SF1: variants seen among roughly 807,000 people sequenced by gnomAD.
SF1 encodes branch point-binding protein.
Under a neutral mutation model 62.5 loss-of-function variants are expected in SF1, and 7 were observed. The observed-to-expected ratio is 0.11, with a 90% CI of 0.06 to 0.21. The LOEUF is 0.21. Ranked by LOEUF, SF1 falls within the 10% of genes least tolerant of loss-of-function variation. The probability of loss-of-function intolerance (pLI) is 1.00; values close to 1 mark genes in which losing one functional copy is unlikely to be tolerated. For synonymous variants in SF1, 394 were observed against 323.6 expected (o/e 1.22, Z -2.33); for missense variants, 578 against 884.0 (o/e 0.65, Z 4.39).
rs368385290 is a variant in SF1, at chr11:64,769,417, A to T, written c.663+9T>A. ...GCTAGGAGGCTTCCTTTCTGGGCTCACCGCTCACCTGTTCCACTGCCTTTT... is the reference window on the plus strand; with the variant it reads ...GCTAGGAGGCTTCCTTTCTGGGCTCTCCGCTCACCTGTTCCACTGCCTTTT... On this transcript the variant is annotated intron_variant, in intron 6 of 12. Coordinates refer to ENST00000377390, the MANE Select transcript of SF1 (RefSeq NM_004630.4). The T allele has an allele frequency of 3.1e-6, 5 of 1,613,822 alleles. No homozygotes were observed. The highest frequency in any genetic ancestry group is 4.2e-6 in the Non-Finnish European group (5 of 1,179,862).
chr11:64,768,998 A>T (rs767686272), intron 8 of SF1, 24 bp downstream of exon 8: 2 of 1,539,862 alleles, frequency 1.3e-6, no homozygotes, highest in East Asian at 4.5e-5. Flanking sequence ...GGCTACCAGG[A>T]AACCGCAAGA....
At position 64,778,516 on chromosome 11, in the gene SF1, G is replaced by A. The variant is rs2136008113; in HGVS notation, c.-124C>T. The A allele has an allele frequency of 3.3e-6, 4 of 1,197,182 alleles. No individual in the cohort carries two copies. In the South Asian group the frequency reaches 1.2e-4, roughly 37 times the overall value. 74.2% of individuals were successfully genotyped at this position (1,197,182 alleles called of 1,614,324 possible). On this transcript the variant is annotated 5_prime_UTR_variant, in exon 1 of 13. Transcript: ENST00000377390. ...GCGCGCGGAGCCCGTCCTCTCACGCGGCGGGCGGCGGCGGCGCGAGACGCA... is the reference window on the plus strand; with the variant it reads ...GCGCGCGGAGCCCGTCCTCTCACGCAGCGGGCGGCGGCGGCGCGAGACGCA...
At chr11:64,772,767 T>C in intron 3 of SF1, 1 of 985,146 alleles carries the variant, frequency 1.0e-6, no homozygotes, top group South Asian at 4.7e-5. Context: ...TGAAATGACA[T>C]GACCACAGCT....
chr11:64,767,241 C>G lies in SF1; in HGVS notation c.1353G>C (p.Leu451=). The part of the protein sequence containing the change: ...HHGPPPMDQY[L]GSTPVGSGVY... ...CCCCAGAGCCCACAGGCGTACTTCCCAGGTACTGATCTTGATGGAAGGAAA... is the reference window on the plus strand; with the variant it reads ...CCCCAGAGCCCACAGGCGTACTTCCGAGGTACTGATCTTGATGGAAGGAAA... Residue 451 remains leucine (L), a synonymous_variant, in exon 11 of 13, where the codon CTG becomes CTC. Transcript: ENST00000377390. 6.2e-7 allele frequency: 1 copy of G among 1,614,092 alleles called. No individual in the cohort carries two copies. Among genetic ancestry groups the G allele is most frequent in the Non-Finnish European group, 8.5e-7 (1 of 1,179,962 alleles).
At chr11:64,777,769 G>A (rs2135994759) in intron 1 of SF1, 1 of 985,360 alleles carries the variant, frequency 1.0e-6, no homozygotes, top group Non-Finnish European at 1.2e-6. Flanking sequence ...TCTGCGCACA[G>A]AGCGCCTCCC....
Position 64,766,958 on chromosome 11 carries a change from C to T in SF1, c.1524G>A (p.Pro508=), listed in dbSNP as rs751407545. 13 of 1,375,534 alleles carry T rather than the reference C, an allele frequency of 9.5e-6. No individual in the cohort carries two copies. Among genetic ancestry groups the T allele is most frequent in the South Asian group, 8.7e-5 (6 of 69,222 alleles). 85.2% of individuals were successfully genotyped at this position (1,375,534 alleles called of 1,614,324 possible). A position where few individuals can be genotyped will look rare whatever the true frequency, so the allele number is the denominator to read the frequency against. ...PPWQQQQQQP[P]PPPPPSSSMA... ...TACTGCTGCTGGGCGGAGGGGGTGG[C>T]GGAGGCTGCTGCTGCTGTTGTTGCC... The change falls in exon 12 of 13, where the codon CCG becomes CCA. Residue 508 remains proline, a synonymous_variant. Coordinates refer to ENST00000377390, the MANE Select transcript of SF1 (RefSeq NM_004630.4).
chr11:64,775,403 C>G (rs1939034605), intron 2 of SF1, among the ~76,000 whole-genome samples: 1 of 152,104 alleles, frequency 6.6e-6, no homozygotes, highest in Non-Finnish European at 1.5e-5. Flanking sequence ...ATGTAAAGAC[C>G]CAGACTAGTC....
chr11:64,778,420 C>G lies in SF1; in HGVS notation c.-28G>C, dbSNP rs926405435. 6.5e-6 allele frequency: 8 copies of G among 1,224,940 alleles called. No individual in the cohort carries two copies. The highest frequency in any genetic ancestry group is 8.1e-6 in the Non-Finnish European group (8 of 982,406). The allele number at this position is 1,224,940 out of a possible 1,614,324, so 75.9% of individuals were successfully genotyped here. The stretch of plus-strand genomic sequence containing the variant: ...CGCCCCCGGGGACAGGCACCGGCAC[C>G]TGCTTTTCCTCTGCGGCGGCTTCTC... On this transcript the variant is annotated 5_prime_UTR_variant, in exon 1 of 13. Transcript: ENST00000377390.
rs763586047 is a variant in SF1, at chr11:64,767,621, G to C, written c.1292C>G (p.Pro431Arg). The stretch of plus-strand genomic sequence containing the variant: ...AGGAGGGTGGGGGCCCTGGTTCATC[G>C]GTGGTGGTGGTGGCTGCATCCAAGG... ...PPPWMQPPPP[P>R]MNQGPHPPGH... Residue 431 changes from proline (P) to arginine (R), a missense_variant, in exon 10 of 13, where the codon CCG (proline) becomes CGG (arginine). By Grantham distance (103) the Pro-to-Arg change is moderately radical. Coordinates refer to ENST00000377390, the MANE Select transcript of SF1 (RefSeq NM_004630.4). 2.5e-6 allele frequency: 4 copies of C among 1,583,184 alleles called. No homozygotes were observed. Among genetic ancestry groups the C allele is most frequent in the African/African-American group, 1.4e-5 (1 of 73,288 alleles).
chr11:64,776,639 G>T lies in SF1; in HGVS notation c.32-13C>A. 3 of 1,605,256 alleles carry T rather than the reference G, an allele frequency of 1.9e-6. No homozygotes were observed. Among genetic ancestry groups the T allele is most frequent in the East Asian group, 4.5e-5 (2 of 44,654 alleles). ...TTACTTGGGAAGTCTAAAAGGCAGA[G>T]ACAAAATCCATCCGATGTAAATACA... On this transcript the variant is annotated splice_polypyrimidine_tract_variant and intron_variant, in intron 1 of 12. Transcript: ENST00000377390.
In SF1 at chr11:64,767,025, C is replaced by A; in HGVS notation, c.1457G>T (p.Ser486Ile). The stretch of plus-strand genomic sequence containing the variant: ...AGAGGGAGGGGGTGGGGGCTGCCCA[C>A]TGGGAGGCGGCGGCGGCGGCGGCAT... ...GMMPPPPPPP[S>I]GQPPPPPSGP... The change falls in exon 12 of 13, where the codon AGT becomes ATT. Residue 486 changes from serine to isoleucine, a missense_variant. Around this residue, in one of 7 missense-constraint regions of SF1, gnomAD observed 410 missense variants for 452.4 expected, o/e 0.91. Coordinates refer to ENST00000377390, the MANE Select transcript of SF1 (RefSeq NM_004630.4). 6.5e-7 allele frequency: 1 copy of A among 1,547,550 alleles called. No homozygotes were observed. The highest frequency in any genetic ancestry group is 8.7e-7 in the Non-Finnish European group (1 of 1,145,362).
chr11:64,778,320 TG>T (rs1592547824), intron 1 of SF1, 41 bp downstream of exon 1: 2 of 1,222,740 alleles, frequency 1.6e-6, no homozygotes, highest in East Asian at 6.4e-5. Context: ...AAGCCTCCTT[TG>T]GGCCCGGGGA....
intron 12 of SF1, chr11:64,766,567 G>A (rs1036252361): frequency 1.4e-5 from 6 of 418,912 alleles, no homozygotes; most frequent in Non-Finnish European, 2.6e-5. Context: ...GAGCAAGCAT[G>A]CACCATCCCA....
At chr11:64,777,185 T>C (rs1939416394) in intron 1 of SF1, among the ~76,000 whole-genome samples, 2 of 152,190 alleles carry the variant, frequency 1.3e-5, no homozygotes, top group South Asian at 4.1e-4. Context: ...TCAGTTTTCC[T>C]GGCCAGTTGG....
rs746866349 is a variant in SF1, at chr11:64,769,350, G to A, written c.664-12C>T. On this transcript the variant is annotated splice_polypyrimidine_tract_variant and intron_variant, in intron 6 of 12. Coordinates refer to ENST00000377390, the MANE Select transcript of SF1 (RefSeq NM_004630.4). ...AGGATGTTTCTTATCTAGTGAAAATGCAATGGACAGTTAAGTGCTTAGGGC... is the reference window on the plus strand; with the variant it reads ...AGGATGTTTCTTATCTAGTGAAAATACAATGGACAGTTAAGTGCTTAGGGC... 3 of 1,613,826 alleles carry A rather than the reference G, an allele frequency of 1.9e-6. No homozygotes were observed. The highest frequency in any genetic ancestry group is 1.7e-5 in the Admixed American group (1 of 60,022).
chr11:64,772,462 T>C (rs570895070), intron 3 of SF1: 29 of 985,336 alleles, frequency 2.9e-5, no homozygotes, highest in Non-Finnish European at 3.0e-5. Flanking sequence ...TAATGTTTCC[T>C]GGCAAAGGGC....
chr11:64,768,857 T>C (rs891203696), intron 8 of SF1, among the ~76,000 whole-genome samples, 165 bp downstream of exon 8: 1 of 152,226 alleles, frequency 6.6e-6, no homozygotes, highest in South Asian at 2.1e-4. Flanking sequence ...GGGGTATCTG[T>C]ACAGCCTATT....
At chr11:64,769,650 C>T (rs912368183) in intron 5 of SF1, 41 bp from the exon 6 acceptor site, 1 of 1,565,054 alleles carries the variant, frequency 6.4e-7, no homozygotes, top group African/African-American at 1.4e-5. Context: ...CTGACAAATT[C>T]ACACTCAAGA....
intron 3 of SF1, chr11:64,771,433 A>T: frequency 1.0e-6 from 1 of 984,590 alleles, no homozygotes; most frequent in Non-Finnish European, 1.2e-6. Context: ...TTATTAAAAA[A>T]ACATACTGAA....
Sources: gnomAD v4.1 joint callset for allele counts (sites outside exome capture counted in the v4.1 genomes callset) on GRCh38, gnomAD v4.1.1 for gene constraint, gnomAD v4.1.1 regional missense constraint, MANE v1.5 for transcripts, NCBI Gene and HGNC (gene_info 2026-07-23, HGNC 2026-07-21) for gene names.